TEC: variants seen among roughly 807,000 people sequenced by gnomAD.
The protein encoded by TEC is tec protein tyrosine kinase, also known as tyrosine-protein kinase Tec.
Under a neutral mutation model 93.0 loss-of-function variants are expected in TEC, and 72 were observed. The observed-to-expected ratio is 0.77, with a 90% confidence interval of 0.64 to 0.94. The LOEUF is 0.94. Ranked by LOEUF, TEC falls within the 40% of genes least tolerant of loss-of-function variation. The pLI is 0.00. For missense variants in TEC, 630 were observed against 757.9 expected, an observed-to-expected ratio of 0.83 and a Z score of 1.98; for synonymous variants, 249 against 247.7, an observed-to-expected ratio of 1.01 and a Z score of -0.05.
chr4:48,233,779 A>G (rs1174808680), intron 1 of TEC, among the ~76,000 whole-genome samples: 6 of 151,764 alleles, frequency 4.0e-5, no homozygotes, highest in Non-Finnish European at 4.4e-5. Context: ...TTAAAAACTC[A>G]ATGGAAAAGT....
intron 2 of TEC, among the ~76,000 whole-genome samples, chr4:48,178,023 G>GT (rs1435179728): frequency 7.2e-5 from 11 of 152,110 alleles, no homozygotes; most frequent in African/African-American, 4.8e-5. Context: ...TGTCTTTATA[G>GT]CAGTGTGAGA....
At chr4:48,199,461 T>C (rs1336626124) in intron 2 of TEC, among the ~76,000 whole-genome samples, 9 of 127,336 alleles carry the variant, frequency 7.1e-5, no homozygotes, top group Non-Finnish European at 1.3e-4. Context: ...CTTTCTTTTT[T>C]TTTTTTTTTT....
intron 1 of TEC, among the ~76,000 whole-genome samples, chr4:48,264,408 T>C (rs1358566910): frequency 2.0e-5 from 3 of 152,180 alleles, no homozygotes; most frequent in Non-Finnish European, 4.4e-5. Context: ...ACAAACAGCA[T>C]GGAGGGGTTA....
intron 2 of TEC, among the ~76,000 whole-genome samples, chr4:48,205,239 CCTGCATAATAGCAGG>C (rs1722664423): frequency 6.6e-6 from 1 of 152,184 alleles, no homozygotes; most frequent in South Asian, 2.1e-4. Context: ...CAGTGCCTGG[CCTGCATAATAGCAGG>C]CAGCCTCAGT....
At chr4:48,206,544 T>C (rs1158370013) in intron 2 of TEC, among the ~76,000 whole-genome samples, 1 of 152,148 alleles carries the variant, frequency 6.6e-6, no homozygotes, top group African/African-American at 2.4e-5. Flanking sequence ...AGTGAACACA[T>C]GTAGACTTGC....
At position 48,137,380 on chromosome 4, in the gene TEC, T is replaced by C; in HGVS notation, c.*36A>G. On this transcript the variant is annotated 3_prime_UTR_variant, in exon 18 of 18. Transcript: ENST00000381501. ...GCCACAAAATGCCCATCCTTCCTTG[T>C]GCTTGGGAATCTGGGAGCCACTGGT... The C allele has an allele frequency of 6.4e-7, 1 of 1,561,482 alleles. No individual in the cohort carries two copies. The highest frequency in any genetic ancestry group is 8.8e-7 in the Non-Finnish European group (1 of 1,134,870).
At chr4:48,163,839 C>G (rs1055766195) in intron 7 of TEC, 72 bp from the exon 8 acceptor site, 12 of 830,826 alleles carry the variant, frequency 1.4e-5, no homozygotes, top group Admixed American at 6.6e-5. Flanking sequence ...AAGATTATTG[C>G]CTTTTGAAAT....
chr4:48,255,048 G>A (rs1488980758), intron 1 of TEC, among the ~76,000 whole-genome samples: 1 of 152,196 alleles, frequency 6.6e-6, no homozygotes, highest in East Asian at 1.9e-4. Context: ...TGAAAACCCG[G>A]TATAAGCAGG....
At chr4:48,219,710 G>T (rs1723193733) in intron 2 of TEC, among the ~76,000 whole-genome samples, 1 of 152,062 alleles carries the variant, frequency 6.6e-6, no homozygotes, top group Admixed American at 6.6e-5. Context: ...GCTTCACCTT[G>T]TCAATCACTT....
chr4:48,234,252 T>C (rs561454204), intron 1 of TEC, among the ~76,000 whole-genome samples: 2 of 152,364 alleles, frequency 1.3e-5, no homozygotes, highest in South Asian at 4.1e-4. Context: ...CGCAAGGCTT[T>C]AACAATTTTC....
At chr4:48,236,118 CATT>C (rs1182242154) in intron 1 of TEC, among the ~76,000 whole-genome samples, 1 of 152,102 alleles carries the variant, frequency 6.6e-6, no homozygotes, top group African/African-American at 2.4e-5. Flanking sequence ...TTCAGGGCAT[CATT>C]AAGAGCCACA....
At chr4:48,243,834 G>C (rs1008887723) in intron 1 of TEC, among the ~76,000 whole-genome samples, 7 of 152,116 alleles carry the variant, frequency 4.6e-5, no homozygotes, top group Non-Finnish European at 8.8e-5. Flanking sequence ...GGGATCTGGT[G>C]GGGGAATAGA....
At chr4:48,228,325 C>T in intron 2 of TEC, 152 bp downstream of exon 2, 1 of 790,314 alleles carries the variant, frequency 1.3e-6, no homozygotes. Context: ...TAATTTCTAT[C>T]CATACTCTGA....
At chr4:48,212,110 A>AAAAAAAAAAAAATATATATATAT in intron 2 of TEC, among the ~76,000 whole-genome samples, 1 of 122,262 alleles carries the variant, frequency 8.2e-6, no homozygotes, top group African/African-American at 3.0e-5. Flanking sequence ...AAAAAAAAAA[A>AAAAAAAAAAAAATATATATATAT]ATATATATAT....
chr4:48,178,208 A>T (rs62309330), intron 2 of TEC, among the ~76,000 whole-genome samples: 57,262 of 151,422 alleles, frequency 0.38, 11,795 homozygotes, highest in East Asian at 0.9. Flanking sequence ...CAGCGGCCTC[A>T]AACTACCAGT....
intron 11 of TEC, among the ~76,000 whole-genome samples, chr4:48,148,121 G>A (rs1204113220): frequency 1.3e-5 from 2 of 152,116 alleles, no homozygotes; most frequent in Non-Finnish European, 2.9e-5. Flanking sequence ...TTTGACACAA[G>A]ATTTCTTCTT....
intron 2 of TEC, among the ~76,000 whole-genome samples, chr4:48,180,478 C>T (rs1019621001): frequency 6.6e-6 from 1 of 152,128 alleles, no homozygotes; most frequent in African/African-American, 2.4e-5. Context: ...AAGCAATGTT[C>T]TCTTGTGGTA....
At chr4:48,246,321 A>G (rs1428685638) in intron 1 of TEC, among the ~76,000 whole-genome samples, 1 of 152,250 alleles carries the variant, frequency 6.6e-6, no homozygotes, top group Non-Finnish European at 1.5e-5. Context: ...TGGATGAAAG[A>G]CATGATATTG....
intron 1 of TEC, among the ~76,000 whole-genome samples, chr4:48,262,985 G>T (rs1724536421): frequency 1.3e-5 from 2 of 152,140 alleles, no homozygotes; most frequent in African/African-American, 2.4e-5. Flanking sequence ...ACTGACTCTT[G>T]TCATCATGTG....
Sources: allele counts gnomAD v4.1 joint callset (sites outside exome capture counted in the v4.1 genomes callset), GRCh38; gene constraint gnomAD v4.1.1; transcripts MANE v1.5; gene names NCBI Gene and HGNC (gene_info 2026-07-23, HGNC 2026-07-21).